The following BRSK2 variants were observed in gnomAD, a reference collection of about 807,000 sequenced individuals.
BRSK2 encodes the protein serine/threonine-protein kinase BRSK2.
A neutral mutation model predicts 83.3 loss-of-function variants in BRSK2; 19 were observed. The observed-to-expected ratio is 0.23, with a 90% CI of 0.16 to 0.33. BRSK2 has a LOEUF of 0.33. BRSK2 is among the 10% of genes least tolerant of loss of function. The probability of loss-of-function intolerance (pLI) is 1.00; values close to 1 mark genes in which losing one functional copy is unlikely to be tolerated. For synonymous variants in BRSK2, 519 were observed against 435.4 expected (o/e 1.19, Z -2.39); for missense variants, 798 against 1,042.3 (o/e 0.77, Z 3.23).
intron 1 of BRSK2, among the ~76,000 whole-genome samples, chr11:1,394,995 T>A (rs1007127505): frequency 1.3e-5 from 2 of 151,144 alleles, no homozygotes; most frequent in African/African-American, 4.9e-5. Flanking sequence ...GTCCTGGAGA[T>A]GGGCCCCTGG....
intron 12 of BRSK2, among the ~76,000 whole-genome samples, chr11:1,448,805 G>A (rs1197722328): frequency 1.3e-5 from 2 of 152,240 alleles, no homozygotes; most frequent in Admixed American, 6.5e-5. Flanking sequence ...TTGGAGGGTC[G>A]TCACCGTGGG....
intron 1 of BRSK2, among the ~76,000 whole-genome samples, chr11:1,425,074 T>C (rs11606681): frequency 0.34 from 51,681 of 152,230 alleles, 9,365 homozygotes; most frequent in African/African-American, 0.43. Flanking sequence ...ACTCGGACCC[T>C]GGTCCTGAGT....
rs1590271579 is a variant in BRSK2, at chr11:1,390,554, C to G, written c.91+179C>G. On this transcript the variant is annotated intron_variant, in intron 1 of 19. Transcript: ENST00000528841. This position sits in a 1 kb window ranked among gnomAD's most constrained non-coding sequence, Gnocchi z 6.8. ...CGTGCGCCCCGGTTCCGCCGCGGAT[C>G]CCGCAGGCCGCTTGGCTGCGGTCGG... 6.9e-6 allele frequency among the ~76,000 whole-genome samples: 1 copy of G among 145,170 alleles called. No individual in the cohort carries two copies. Among genetic ancestry groups the G allele is most frequent in the African/African-American group, 2.5e-5 (1 of 40,702 alleles).
In BRSK2 at chr11:1,445,605, C is replaced by T. The variant is rs780447038; in HGVS notation, c.1012C>T (p.Leu338=). The stretch of plus-strand genomic sequence containing the variant: ...GGAGAAGATGATTTACTTCCTCCTC[C>T]TGGACCGGAAAGAAAGGTACCCGAG... The part of the protein sequence containing the change: ...NQEKMIYFLL[L]DRKERYPSQE... Residue 338 remains leucine, a synonymous_variant, in exon 11 of 20, where the codon CTG becomes TTG. Coordinates refer to ENST00000528841, the MANE Select transcript of BRSK2 (RefSeq NM_001256627.2). 1 of 1,573,700 alleles carries T rather than the reference C, an allele frequency of 6.4e-7. No homozygotes were observed. The highest frequency in any genetic ancestry group is 8.6e-7 in the Non-Finnish European group (1 of 1,159,904).
In BRSK2 at chr11:1,449,585, G is replaced by T. The variant is rs1181753579; in HGVS notation, c.1227-191G>T. 2.0e-5 allele frequency among the ~76,000 whole-genome samples: 3 copies of T among 152,264 alleles called. No homozygotes were observed. The East Asian group carries it at 5.8e-4, about 29-fold the overall frequency. On this transcript the variant is annotated intron_variant, in intron 12 of 19. Transcript: ENST00000528841. ...CACGTGGGCTCTGATGGGGGCCCCA[G>T]TGGGGCTGGGCACAGCCAGGCGCCC...
At chr11:1,455,448 C>T (rs939514069) in intron 16 of BRSK2, among the ~76,000 whole-genome samples, 3 of 151,986 alleles carry the variant, frequency 2.0e-5, no homozygotes, top group African/African-American at 7.2e-5. Context: ...GCCTCTCTAG[C>T]TAGGGACTGG....
intron 1 of BRSK2, among the ~76,000 whole-genome samples, chr11:1,435,763 G>T (rs1392753349): frequency 6.6e-6 from 1 of 151,670 alleles, no homozygotes; most frequent in African/African-American, 2.4e-5. Flanking sequence ...AGGGGATTTG[G>T]GTGCCTTGGG....
At chr11:1,412,604 G>A (rs967917706) in intron 1 of BRSK2, among the ~76,000 whole-genome samples, 2 of 152,224 alleles carry the variant, frequency 1.3e-5, no homozygotes, top group East Asian at 3.9e-4. Context: ...CAGAAAATGC[G>A]AGACAGGGTC....
chr11:1,455,051 C>G (rs1246395012), intron 16 of BRSK2, among the ~76,000 whole-genome samples: 1 of 152,124 alleles, frequency 6.6e-6, no homozygotes, highest in Non-Finnish European at 1.5e-5. Context: ...TCAGGTGTCT[C>G]AGTTTCCCTG....
chr11:1,457,076 G>T, intron 18 of BRSK2: 1 of 1,535,828 alleles, frequency 6.5e-7, no homozygotes, highest in East Asian at 2.4e-5. Flanking sequence ...GTGCTGGGGC[G>T]GGGAGGGGCT....
At chr11:1,446,673 G>A (rs561435278) in intron 12 of BRSK2, among the ~76,000 whole-genome samples, 1 of 152,348 alleles carries the variant, frequency 6.6e-6, no homozygotes, top group African/African-American at 2.4e-5. Context: ...CTGGGTGGGG[G>A]CAGGGCTGGG....
chr11:1,442,423 T>C, intron 4 of BRSK2, 67 bp from the exon 5 acceptor site: 1 of 1,248,416 alleles, frequency 8.0e-7, no homozygotes, highest in East Asian at 2.4e-5. Flanking sequence ...GGGCAGGGGG[T>C]CTCCAGGGCG....
At chr11:1,405,476 G>A (rs555506619) in intron 1 of BRSK2, among the ~76,000 whole-genome samples, 6 of 152,198 alleles carry the variant, frequency 3.9e-5, no homozygotes, top group East Asian at 1.9e-4. Flanking sequence ...TAGTTGAGAA[G>A]TTGGGATCCT....
In BRSK2 at chr11:1,454,356, C is replaced by T; in HGVS notation, c.1545-129C>T. On this transcript the variant is annotated intron_variant, in intron 15 of 19. Transcript: ENST00000528841. This position sits in a 1 kb window ranked among gnomAD's most constrained non-coding sequence, Gnocchi z 5.2. ...TCAGGGCCATGGGTTCTGGCTAGCA[C>T]TGTGGAGACAGCCGTTTCTATCACG... 3.5e-6 allele frequency: 4 copies of T among 1,139,130 alleles called. No individual in the cohort carries two copies. Among genetic ancestry groups the T allele is most frequent in the Non-Finnish European group, 5.1e-6 (4 of 780,642 alleles). The allele number at this position is 1,139,130 out of a possible 1,614,324, so 70.6% of individuals were successfully genotyped here.
intron 1 of BRSK2, 62 bp from the exon 2 acceptor site, chr11:1,435,978 C>T (rs548338333): frequency 2.0e-4 from 269 of 1,313,084 alleles, no homozygotes; most frequent in African/African-American, 1.8e-3. Flanking sequence ...CTGCACTGTC[C>T]GGCTGGGTGC....
At chr11:1,396,268 C>A (rs7394544) in intron 1 of BRSK2, among the ~76,000 whole-genome samples, 40 of 117,588 alleles carry the variant, frequency 3.4e-4, no homozygotes, top group East Asian at 1.0e-3. Context: ...CTCTTCCCTT[C>A]CACCCACGTC....
At chr11:1,452,907 C>T (rs1244945495) in intron 15 of BRSK2, among the ~76,000 whole-genome samples, 1 of 152,254 alleles carries the variant, frequency 6.6e-6, no homozygotes, top group Non-Finnish European at 1.5e-5. Context: ...GCTGCCAGCC[C>T]CATGTCAACC....
At chr11:1,459,313 C>T (rs368521751) in intron 19 of BRSK2, 74 bp downstream of exon 19, 16 of 1,552,450 alleles carry the variant, frequency 1.0e-5, no homozygotes, top group African/African-American at 5.4e-5. Flanking sequence ...CTGTGGCCGC[C>T]ACCTGCCGCC....
intron 8 of BRSK2, among the ~76,000 whole-genome samples, chr11:1,444,466 C>G (rs1475579768): frequency 6.6e-6 from 1 of 152,170 alleles, no homozygotes. Context: ...CTGGCCGGCC[C>G]TCCCAGCCTC....
Sources: allele counts gnomAD v4.1 joint callset (sites outside exome capture counted in the v4.1 genomes callset), GRCh38; gene constraint gnomAD v4.1.1; non-coding constraint Gnocchi (gnomAD v3.1); transcripts MANE v1.5; gene names NCBI Gene and HGNC (gene_info 2026-07-23, HGNC 2026-07-21).